WASHC3: variants seen among roughly 807,000 people sequenced by gnomAD.
WASHC3 encodes the protein WASH complex subunit 3.
A neutral mutation model predicts 26.1 loss-of-function variants in WASHC3; 24 were observed. The ratio of observed to expected loss-of-function variants is 0.92; its 90% CI spans 0.66 to 1.29. WASHC3 has a LOEUF of 1.29. WASHC3 is among the 50% of genes most tolerant of loss of function. The probability of loss-of-function intolerance (pLI) is 0.00; values close to 1 mark genes in which losing one functional copy is unlikely to be tolerated. For missense variants in WASHC3, 214 were observed against 229.6 expected (o/e 0.93, Z 0.44); for synonymous variants, 77 against 75.7 (o/e 1.02, Z -0.09).
chr12:102,057,922 A>G (rs1449513334), intron 2 of WASHC3, among the ~76,000 whole-genome samples: 1 of 152,064 alleles, frequency 6.6e-6, no homozygotes, highest in Non-Finnish European at 1.5e-5. Context: ...TAAAATTCAT[A>G]CTGAACCACA....
At chr12:102,035,896 C>T (rs1877635215) in intron 5 of WASHC3, among the ~76,000 whole-genome samples, 2 of 152,122 alleles carry the variant, frequency 1.3e-5, no homozygotes, top group South Asian at 2.1e-4. Flanking sequence ...TCTAGCTTTA[C>T]GTGTGTTGGT....
intron 5 of WASHC3, among the ~76,000 whole-genome samples, chr12:102,031,445 G>A (rs2121371108): frequency 6.6e-6 from 1 of 152,302 alleles, no homozygotes; most frequent in East Asian, 1.9e-4. Flanking sequence ...ATTTTGCTAA[G>A]CTTTGCTTCT....
At chr12:102,022,478 T>C (rs1358768718) in intron 6 of WASHC3, among the ~76,000 whole-genome samples, 1 of 152,202 alleles carries the variant, frequency 6.6e-6, no homozygotes, top group African/African-American at 2.4e-5. Flanking sequence ...ACTCTTCTAT[T>C]TCCCATTTTA....
chr12:102,051,790 G>A (rs1449087955), intron 2 of WASHC3, among the ~76,000 whole-genome samples: 1 of 152,216 alleles, frequency 6.6e-6, no homozygotes, highest in Non-Finnish European at 1.5e-5. Flanking sequence ...TTCTGTATCT[G>A]TATGAGTGGG....
chr12:102,057,233 C>T (rs1878626609), intron 2 of WASHC3, among the ~76,000 whole-genome samples: 1 of 152,120 alleles, frequency 6.6e-6, no homozygotes, highest in African/African-American at 2.4e-5. Flanking sequence ...ATGATAAAAA[C>T]TCTCAACAAA....
intron 6 of WASHC3, among the ~76,000 whole-genome samples, chr12:102,014,034 G>A (rs1320687589): frequency 6.6e-6 from 1 of 151,662 alleles, no homozygotes; most frequent in Non-Finnish European, 1.5e-5. Flanking sequence ...TTTTTGGGGG[G>A]GAAACCAAGA....
At chr12:102,028,616 A>G (rs1396802388) in intron 5 of WASHC3, among the ~76,000 whole-genome samples, 2 of 152,040 alleles carry the variant, frequency 1.3e-5, no homozygotes, top group Non-Finnish European at 2.9e-5. Context: ...ATTTCCTAAA[A>G]TATAGCAAAG....
chr12:102,040,507 G>C (rs1877895203), intron 4 of WASHC3: 1 of 152,004 alleles, frequency 6.6e-6, no homozygotes, highest in Non-Finnish European at 1.5e-5. Flanking sequence ...TTGTAAAAGA[G>C]AAGCCAGTTT....
At chr12:102,062,011 A>G, upstream of WASHC3, 3 of 1,503,652 alleles carry the variant, frequency 2.0e-6, no homozygotes, top group South Asian at 3.6e-5. Flanking sequence ...CCCCTCCCAG[A>G]TGGGGCCCGC....
At position 102,044,114 on chromosome 12, in the gene WASHC3, C is replaced by T; in HGVS notation, c.315G>A (p.Glu105=). 5 of 1,588,498 alleles carry T rather than the reference C, an allele frequency of 3.1e-6. No individual in the cohort carries two copies. The highest frequency in any genetic ancestry group is 4.3e-6 in the Non-Finnish European group (5 of 1,161,134). Residue 105 remains glutamate, a synonymous_variant, in exon 4 of 7, where the codon GAG becomes GAA. Coordinates refer to ENST00000240079, the MANE Select transcript of WASHC3 (RefSeq NM_016053.4). ...CTTAGAACTCACTTACCTGTGGTTGCTCTGAAGTGGCTTCAGGATGTGCTC... is the reference window on the plus strand; with the variant it reads ...CTTAGAACTCACTTACCTGTGGTTGTTCTGAAGTGGCTTCAGGATGTGCTC... ...TNGAHPEATS[E]QPQQNSTQDS...
chr12:102,037,159 AAAG>A (rs1877699286), intron 5 of WASHC3, among the ~76,000 whole-genome samples: 1 of 152,188 alleles, frequency 6.6e-6, no homozygotes, highest in Non-Finnish European at 1.5e-5. Flanking sequence ...TTAGTGTGAA[AAAG>A]GAGTCCATCA....
chr12:102,041,696 TAATAAC>T (rs1363779526), intron 4 of WASHC3, among the ~76,000 whole-genome samples: 1 of 152,070 alleles, frequency 6.6e-6, no homozygotes, highest in Non-Finnish European at 1.5e-5. Context: ...ATATACCAAT[TAATAAC>T]AATGAATAAA....
intron 4 of WASHC3, among the ~76,000 whole-genome samples, chr12:102,041,518 A>G (rs2136669113): frequency 6.6e-6 from 1 of 152,202 alleles, no homozygotes; most frequent in Middle Eastern, 3.4e-3. Context: ...AAATCAGTAC[A>G]CAAACCTTGG....
At chr12:102,045,120 T>C (rs558617336) in intron 3 of WASHC3, among the ~76,000 whole-genome samples, 1 of 151,680 alleles carries the variant, frequency 6.6e-6, no homozygotes, top group East Asian at 1.9e-4. Flanking sequence ...AAAAAACCAA[T>C]GGTAATAAGA....
intron 5 of WASHC3, among the ~76,000 whole-genome samples, chr12:102,031,162 T>A (rs1387991504): frequency 1.3e-5 from 2 of 152,204 alleles, no homozygotes; most frequent in Non-Finnish European, 2.9e-5. Flanking sequence ...GTTCACTGAC[T>A]TTAGCAGAGA....
At chr12:102,057,863 C>T (rs1363236244) in intron 2 of WASHC3, among the ~76,000 whole-genome samples, 1 of 151,952 alleles carries the variant, frequency 6.6e-6, no homozygotes, top group East Asian at 1.9e-4. Flanking sequence ...TCAATGCAAT[C>T]CCTATCAATT....
intron 2 of WASHC3, among the ~76,000 whole-genome samples, chr12:102,054,808 C>T (rs899775386): frequency 6.6e-6 from 1 of 151,876 alleles, no homozygotes; most frequent in Non-Finnish European, 1.5e-5. Context: ...TGCTCCTAAA[C>T]AACCAATAGG....
chr12:102,013,233 T>C (rs1314136826), intron 6 of WASHC3, 41 bp from the exon 7 acceptor site: 2 of 969,446 alleles, frequency 2.1e-6, no homozygotes, highest in Non-Finnish European at 3.1e-6. Flanking sequence ...TCTTTTCCAA[T>C]TGAAAAGAGC....
At chr12:102,039,808 C>T (rs1322363151) in intron 5 of WASHC3, 60 bp downstream of exon 5, 44 of 724,758 alleles carry the variant, frequency 6.1e-5, no homozygotes, top group Non-Finnish European at 4.8e-5. Flanking sequence ...AGTAAAACCT[C>T]CAGGGTTAAG....
Sources: gnomAD v4.1 joint callset for allele counts (sites outside exome capture counted in the v4.1 genomes callset) on GRCh38, gnomAD v4.1.1 for gene constraint, MANE v1.5 for transcripts, NCBI Gene and HGNC (gene_info 2026-07-23, HGNC 2026-07-21) for gene names.